Variants in PLCB1 observed in about 807,000 individuals in gnomAD.
PLCB1 encodes the protein 1-phosphatidylinositol 4,5-bisphosphate phosphodiesterase beta-1.
Under a neutral mutation model 161.8 loss-of-function variants are expected in PLCB1, and 46 were observed. The ratio of observed to expected loss-of-function variants is 0.28; its 90% CI spans 0.22 to 0.36. The LOEUF (loss-of-function observed/expected upper bound fraction) is 0.36, where lower values mean the gene tolerates loss of function less well. Ranked by LOEUF, PLCB1 falls within the 10% of genes least tolerant of loss-of-function variation. The pLI is 1.00. For synonymous variants in PLCB1, 517 were observed against 503.7 expected, an observed-to-expected ratio of 1.03 and a Z score of -0.35; for missense variants, 1,016 against 1,472.5, an observed-to-expected ratio of 0.69 and a Z score of 5.07.
intron 3 of PLCB1, among the ~76,000 whole-genome samples, chr20:8,422,746 G>C (rs886364829): frequency 5.9e-5 from 9 of 152,092 alleles, no homozygotes; most frequent in African/African-American, 2.2e-4. Context: ...GAGTAGGCTG[G>C]GTTCCAGTGA....
At chr20:8,459,075 T>C (rs1981454897) in intron 3 of PLCB1, among the ~76,000 whole-genome samples, 1 of 152,186 alleles carries the variant, frequency 6.6e-6, no homozygotes, top group Admixed American at 6.5e-5. Context: ...GATTGGTTTG[T>C]GGGGGAGAAA....
intron 3 of PLCB1, among the ~76,000 whole-genome samples, chr20:8,532,929 T>C (rs1334779951): frequency 6.6e-6 from 1 of 152,054 alleles, no homozygotes; most frequent in African/African-American, 2.4e-5. Flanking sequence ...TAGTTACATA[T>C]GTATACATGT....
chr20:8,222,836 A>T (rs1288884030), intron 2 of PLCB1, among the ~76,000 whole-genome samples: 3 of 152,176 alleles, frequency 2.0e-5, no homozygotes, highest in Non-Finnish European at 2.9e-5. Flanking sequence ...TTCTCTGTGA[A>T]ATAAATTCAA....
At chr20:8,860,055 A>C (rs4813875) in intron 31 of PLCB1, among the ~76,000 whole-genome samples, 43,059 of 152,050 alleles carry the variant, frequency 0.28, 7,387 homozygotes, top group East Asian at 0.65. Context: ...AGAATAACTG[A>C]GTTTGAATTC....
chr20:8,500,374 T>A (rs1482799695), intron 3 of PLCB1, among the ~76,000 whole-genome samples: 1 of 152,230 alleles, frequency 6.6e-6, no homozygotes, highest in Non-Finnish European at 1.5e-5. Context: ...TAGTTTCTAG[T>A]TATATACAGA....
intron 2 of PLCB1, among the ~76,000 whole-genome samples, chr20:8,320,744 G>A (rs574585482): frequency 1.4e-5 from 2 of 146,434 alleles, no homozygotes; most frequent in East Asian, 2.1e-4. Flanking sequence ...GTGTCATCAA[G>A]GAATGCAAAA....
At chr20:8,764,675 G>A (rs1472808441) in intron 25 of PLCB1, among the ~76,000 whole-genome samples, 1 of 152,094 alleles carries the variant, frequency 6.6e-6, no homozygotes, top group Non-Finnish European at 1.5e-5. Context: ...TATGCAAGAA[G>A]CTTGCCTTCT....
At chr20:8,865,907 A>C (rs1439477913) in intron 31 of PLCB1, among the ~76,000 whole-genome samples, 2 of 152,220 alleles carry the variant, frequency 1.3e-5, no homozygotes, top group African/African-American at 4.8e-5. Context: ...TCTGCAATGT[A>C]GACCAAAATA....
chr20:8,551,268 C>G (rs1390473659), intron 3 of PLCB1, among the ~76,000 whole-genome samples: 1 of 152,138 alleles, frequency 6.6e-6, no homozygotes, highest in African/African-American at 2.4e-5. Flanking sequence ...AGTGTGAGAT[C>G]TTCCATGGAA....
chr20:8,265,305 A>G (rs1981901858), intron 2 of PLCB1, among the ~76,000 whole-genome samples: 1 of 152,180 alleles, frequency 6.6e-6, no homozygotes. Context: ...CTGACACATG[A>G]AAGCACTGGG....
chr20:8,765,457 C>G, intron 26 of PLCB1, 99 bp downstream of exon 26: 2 of 820,572 alleles, frequency 2.4e-6, no homozygotes, highest in South Asian at 3.7e-5. Context: ...TGTACCATGG[C>G]AAGAAAACCA....
At chr20:8,469,619 C>T (rs1259619483) in intron 3 of PLCB1, among the ~76,000 whole-genome samples, 1 of 152,010 alleles carries the variant, frequency 6.6e-6, no homozygotes, top group Non-Finnish European at 1.5e-5. Flanking sequence ...AATTGAAATA[C>T]TTGAAGAAAA....
rs1456349884 is a variant in PLCB1, at chr20:8,884,766, CAA to C, written c.*2919_*2920del. 1.3e-5 allele frequency: 2 copies of C among 152,634 alleles called. No individual in the cohort carries two copies. Among genetic ancestry groups the C allele is most frequent in the Non-Finnish European group, 2.9e-5 (2 of 68,034 alleles). The allele number at this position is 152,634 out of a possible 1,614,324, so 9.5% of individuals were successfully genotyped here. On this transcript the variant is annotated 3_prime_UTR_variant, in exon 32 of 32. Coordinates refer to ENST00000338037, the MANE Select transcript of PLCB1 (RefSeq NM_015192.4). ...TGTACATATTTTGGTTCTTCTATCT[CAA>C]ATTATTTAAAATGCATAATTCACAT...
At chr20:8,320,905 AAAG>A (rs200948768) in intron 2 of PLCB1, among the ~76,000 whole-genome samples, 2,423 of 151,582 alleles carry the variant, frequency 0.016, 40 homozygotes, top group African/African-American at 0.04. Context: ...GAGAAGAAGA[AAAG>A]AAGAAGAGGA....
chr20:8,519,698 T>C (rs145184237), intron 3 of PLCB1, among the ~76,000 whole-genome samples: 3 of 152,328 alleles, frequency 2.0e-5, no homozygotes, highest in South Asian at 2.1e-4. Flanking sequence ...CAAAATGATA[T>C]GCAAATATTA....
chr20:8,382,376 G>A (rs113565177), intron 3 of PLCB1, among the ~76,000 whole-genome samples: 7 of 147,842 alleles, frequency 4.7e-5, no homozygotes, highest in South Asian at 4.4e-4. Context: ...TCCGCCTCCC[G>A]GGTTCACGCC....
intron 26 of PLCB1, 42 bp from the exon 27 acceptor site, chr20:8,774,497 A>T (rs763191090): frequency 1.3e-6 from 2 of 1,546,020 alleles, no homozygotes; most frequent in South Asian, 2.4e-5. Flanking sequence ...CCACCTTGTT[A>T]TGGCCTGTCT....
intron 3 of PLCB1, chr20:8,623,861 G>A (rs1318338084): frequency 6.6e-6 from 1 of 152,152 alleles, no homozygotes; most frequent in Non-Finnish European, 1.5e-5. Context: ...ACACCCTGGT[G>A]AACAGAATGA....
At chr20:8,852,311 C>T (rs1438256820) in intron 31 of PLCB1, among the ~76,000 whole-genome samples, 1 of 152,182 alleles carries the variant, frequency 6.6e-6, no homozygotes, top group Non-Finnish European at 1.5e-5. Flanking sequence ...ACAAAGTGTT[C>T]CTTTTCATCA....
Sources: gnomAD v4.1 joint callset for allele counts (sites outside exome capture counted in the v4.1 genomes callset) on GRCh38, gnomAD v4.1.1 for gene constraint, MANE v1.5 for transcripts, NCBI Gene and HGNC (gene_info 2026-07-23, HGNC 2026-07-21) for gene names.